The following COL19A1 variants were observed in gnomAD, a reference collection of about 807,000 sequenced individuals.
COL19A1 encodes collagen alpha-1(XIX) chain.
COL19A1 carries 159 observed loss-of-function variants against 190.2 expected under a neutral mutation model. That is an observed-to-expected ratio of 0.84 (90% CI 0.73 to 0.95). COL19A1 has a LOEUF of 0.95. Ranked by LOEUF, COL19A1 falls within the 40% of genes least tolerant of loss-of-function variation. COL19A1 has a pLI of 0.00. For missense variants in COL19A1, 1,418 were observed against 1,431.9 expected, an observed-to-expected ratio of 0.99 and a Z score of 0.16; for synonymous variants, 509 against 458.9, an observed-to-expected ratio of 1.11 and a Z score of -1.39.
intron 46 of COL19A1, among the ~76,000 whole-genome samples, chr6:70,185,728 G>T (rs1766471981): frequency 6.6e-6 from 1 of 152,074 alleles, no homozygotes; most frequent in Non-Finnish European, 1.5e-5. Flanking sequence ...ACTGCAAGAA[G>T]TTACTCAAAC....
intron 11 of COL19A1, among the ~76,000 whole-genome samples, chr6:69,967,123 T>C (rs1775158454): frequency 6.6e-6 from 1 of 152,226 alleles, no homozygotes; most frequent in Non-Finnish European, 1.5e-5. Flanking sequence ...CATTTGATTG[T>C]GAGAAACATC....
In COL19A1 at chr6:70,146,766, G is replaced by A. The variant is rs75208940; in HGVS notation, c.1816-46G>A. The A allele has an allele frequency of 0.053, 84,399 of 1,589,918 alleles. 2,521 individuals are homozygous for A. The highest frequency in any genetic ancestry group is 0.061 in the Non-Finnish European group (71,124 of 1,170,366). On this transcript the variant is annotated intron_variant, in intron 26 of 50. Transcript: ENST00000620364. ...AATTAACAAAATACAGCAGAAAAAT[G>A]TATGTCTCTTGAGCCTTGCAGTAAC...
At chr6:70,081,902 T>C (rs1485164646) in intron 15 of COL19A1, among the ~76,000 whole-genome samples, 1 of 152,158 alleles carries the variant, frequency 6.6e-6, no homozygotes, top group East Asian at 1.9e-4. Flanking sequence ...AATATTTCTA[T>C]GCAAAGAAAG....
At chr6:70,176,627 G>A in intron 42 of COL19A1, 63 bp downstream of exon 42, 1 of 1,545,888 alleles carries the variant, frequency 6.5e-7, no homozygotes, top group Non-Finnish European at 8.9e-7. Flanking sequence ...TGATACACCT[G>A]TGGCCAGGGA....
At chr6:70,187,120 T>A (rs1766574051) in intron 46 of COL19A1, among the ~76,000 whole-genome samples, 1 of 152,154 alleles carries the variant, frequency 6.6e-6, no homozygotes, top group African/African-American at 2.4e-5. Context: ...CCTCAGGTGA[T>A]CTGCCCACCT....
chr6:69,979,568 T>C (rs1227609713), intron 11 of COL19A1, among the ~76,000 whole-genome samples: 1 of 151,890 alleles, frequency 6.6e-6, no homozygotes, highest in East Asian at 1.9e-4. Context: ...AGATTAGAAA[T>C]GAAATATGCA....
intron 11 of COL19A1, among the ~76,000 whole-genome samples, chr6:69,977,984 G>A (rs1775817724): frequency 6.6e-6 from 1 of 151,956 alleles, no homozygotes; most frequent in Admixed American, 6.6e-5. Flanking sequence ...TAATTTACTA[G>A]CCAGAAACAC....
At chr6:70,095,484 C>G (rs1198249774) in intron 15 of COL19A1, among the ~76,000 whole-genome samples, 1 of 152,078 alleles carries the variant, frequency 6.6e-6, no homozygotes, top group African/African-American at 2.4e-5. Context: ...ATTAGAACTA[C>G]CATGTACTGG....
At chr6:69,981,459 G>A (rs1198997989) in intron 11 of COL19A1, among the ~76,000 whole-genome samples, 1 of 152,082 alleles carries the variant, frequency 6.6e-6, no homozygotes, top group African/African-American at 2.4e-5. Flanking sequence ...TCCTGATTGT[G>A]CCTGTATGTA....
chr6:69,920,219 A>G (rs1417723191), intron 4 of COL19A1, among the ~76,000 whole-genome samples: 1 of 152,190 alleles, frequency 6.6e-6, no homozygotes, highest in Non-Finnish European at 1.5e-5. Context: ...TATTAGGGTC[A>G]AAGCCTCACT....
chr6:69,963,576 G>T (rs190263873), intron 11 of COL19A1, among the ~76,000 whole-genome samples: 1 of 152,262 alleles, frequency 6.6e-6, no homozygotes, highest in East Asian at 1.9e-4. Context: ...CTAGCCCTCA[G>T]CTCTCCTACT....
intron 48 of COL19A1, among the ~76,000 whole-genome samples, chr6:70,196,733 T>C (rs568070761): frequency 6.6e-6 from 1 of 152,338 alleles, no homozygotes; most frequent in Admixed American, 6.5e-5. Context: ...TATGCATGCT[T>C]ATATCGGAAC....
intron 48 of COL19A1, among the ~76,000 whole-genome samples, chr6:70,195,903 C>A (rs187193218): frequency 6.6e-6 from 1 of 152,138 alleles, no homozygotes; most frequent in Non-Finnish European, 1.5e-5. Flanking sequence ...TTCATATGCT[C>A]CCCCATTCTT....
chr6:69,992,927 C>A (rs1317713987), intron 11 of COL19A1, among the ~76,000 whole-genome samples: 2 of 151,994 alleles, frequency 1.3e-5, no homozygotes, highest in Non-Finnish European at 2.9e-5. Context: ...TCTTCTCTTT[C>A]TATTTGGATG....
chr6:70,158,302 T>G (rs1297234627), intron 34 of COL19A1, among the ~76,000 whole-genome samples: 1 of 152,088 alleles, frequency 6.6e-6, no homozygotes, highest in Non-Finnish European at 1.5e-5. Flanking sequence ...AATAAAACTT[T>G]GACCAAAAAC....
chr6:70,023,581 G>T, intron 11 of COL19A1, 46 bp from the exon 12 acceptor site: 1 of 1,513,522 alleles, frequency 6.6e-7, no homozygotes. Context: ...GCTAGCAAAG[G>T]TTTTCAGATA....
intron 14 of COL19A1, among the ~76,000 whole-genome samples, chr6:70,046,982 G>C (rs930586367): frequency 6.6e-6 from 1 of 151,812 alleles, no homozygotes; most frequent in African/African-American, 2.4e-5. Context: ...GAAATTCCAC[G>C]TTTTAAAAAT....
At chr6:70,009,266 A>G (rs1347702835) in intron 11 of COL19A1, among the ~76,000 whole-genome samples, 2 of 152,072 alleles carry the variant, frequency 1.3e-5, no homozygotes, top group Non-Finnish European at 2.9e-5. Flanking sequence ...TGAAGAATCT[A>G]CAATAAAAGA....
chr6:70,140,303 A>C (rs1167762671), intron 19 of COL19A1, among the ~76,000 whole-genome samples: 1 of 152,096 alleles, frequency 6.6e-6, no homozygotes. Flanking sequence ...ATTACAATGT[A>C]AGTGCTATGT....
Sources: allele counts gnomAD v4.1 joint callset (sites outside exome capture counted in the v4.1 genomes callset), GRCh38; gene constraint gnomAD v4.1.1; transcripts MANE v1.5; gene names NCBI Gene and HGNC (gene_info 2026-07-23, HGNC 2026-07-21).